Variants in THADA observed in about 807,000 individuals in gnomAD.
THADA encodes tRNA (32-2'-O)-methyltransferase regulator THADA.
Under a neutral mutation model 219.8 loss-of-function variants are expected in THADA, and 213 were observed. The observed-to-expected ratio is 0.97, with a 90% confidence interval of 0.87 to 1.09. THADA has a LOEUF of 1.09. THADA is among the 50% of genes least tolerant of loss of function. The pLI, the probability that THADA is intolerant of heterozygous loss-of-function variation, is 0.00. For missense variants in THADA, 2,956 were observed against 2,311.3 expected, an observed-to-expected ratio of 1.28 and a Z score of -5.72; for synonymous variants, 1,018 against 828.9, an observed-to-expected ratio of 1.23 and a Z score of -3.92.
At chr2:43,386,952 G>A (rs986931863) in intron 29 of THADA, among the ~76,000 whole-genome samples, 3 of 150,856 alleles carry the variant, frequency 2.0e-5, no homozygotes, top group African/African-American at 7.3e-5. Context: ...TTCAGTACCC[G>A]TTAGATTTAT....
At chr2:43,364,115 C>T (rs1235097415) in intron 29 of THADA, among the ~76,000 whole-genome samples, 1 of 151,552 alleles carries the variant, frequency 6.6e-6, no homozygotes, top group Non-Finnish European at 1.5e-5. Context: ...TTCCAGCTAC[C>T]AGGGAGGCTG....
At chr2:43,474,763 A>G (rs1471224426) in intron 26 of THADA, among the ~76,000 whole-genome samples, 1 of 152,226 alleles carries the variant, frequency 6.6e-6, no homozygotes, top group Non-Finnish European at 1.5e-5. Flanking sequence ...AGAGATAAAT[A>G]AAAGAAAGAT....
intron 29 of THADA, among the ~76,000 whole-genome samples, chr2:43,385,480 G>A (rs1350522494): frequency 6.6e-6 from 1 of 152,046 alleles, no homozygotes; most frequent in African/African-American, 2.4e-5. Context: ...GGTGGCGGAT[G>A]CCTGCAGTCC....
At chr2:43,281,440 CTT>C (rs35111198) in intron 35 of THADA, among the ~76,000 whole-genome samples, 94 of 106,788 alleles carry the variant, frequency 8.8e-4, no homozygotes, top group African/African-American at 1.2e-3. Flanking sequence ...TCATGTACTT[CTT>C]TTTTTTTTTT....
At chr2:43,553,909 T>C (rs1160203083) in intron 17 of THADA, among the ~76,000 whole-genome samples, 1 of 152,224 alleles carries the variant, frequency 6.6e-6, no homozygotes, top group East Asian at 1.9e-4. Context: ...TGTTCATGTG[T>C]ATATCTTCTT....
intron 28 of THADA, among the ~76,000 whole-genome samples, chr2:43,410,568 A>G (rs1285926094): frequency 6.6e-6 from 1 of 152,256 alleles, no homozygotes; most frequent in African/African-American, 2.4e-5. Flanking sequence ...GAAACAAGCT[A>G]CGGATATACC....
intron 31 of THADA, among the ~76,000 whole-genome samples, chr2:43,315,572 C>T (rs1270965092): frequency 1.3e-5 from 2 of 152,068 alleles, no homozygotes; most frequent in Non-Finnish European, 2.9e-5. Context: ...AAGGGATCCT[C>T]CTGCCTCAGC....
At chr2:43,508,457 T>G (rs1162648360) in intron 23 of THADA, among the ~76,000 whole-genome samples, 191 bp downstream of exon 23, 2 of 152,174 alleles carry the variant, frequency 1.3e-5, no homozygotes, top group Non-Finnish European at 2.9e-5. Context: ...TTAGAGGGTT[T>G]GTTCCAAGAA....
intron 26 of THADA, among the ~76,000 whole-genome samples, chr2:43,439,029 C>G (rs974667816): frequency 6.6e-6 from 1 of 152,092 alleles, no homozygotes; most frequent in Non-Finnish European, 1.5e-5. Context: ...AAGTGAATGA[C>G]GTAGCATTTA....
intron 13 of THADA, among the ~76,000 whole-genome samples, chr2:43,570,887 T>C (rs148444113): frequency 1.4e-4 from 22 of 152,342 alleles, no homozygotes; most frequent in Non-Finnish European, 2.4e-4. Context: ...CAAGTTTTCT[T>C]AAAACTACCT....
intron 36 of THADA, among the ~76,000 whole-genome samples, chr2:43,265,930 AACACACACACACACACACACACACAC>A (rs56173099): frequency 0.024 from 2,976 of 124,802 alleles, 90 homozygotes; most frequent in African/African-American, 0.067. Flanking sequence ...TTACTTTTGA[AACACACACACACACACACACACACAC>A]ACACACACAC....
chr2:43,290,878 G>A (rs533342547), intron 34 of THADA, among the ~76,000 whole-genome samples: 2 of 151,972 alleles, frequency 1.3e-5, no homozygotes, highest in African/African-American at 4.8e-5. Flanking sequence ...TCTTACTTCG[G>A]TTCTATTTCA....
At chr2:43,303,605 T>C (rs928621899) in intron 31 of THADA, among the ~76,000 whole-genome samples, 3 of 152,098 alleles carry the variant, frequency 2.0e-5, no homozygotes, top group Admixed American at 6.6e-5. Context: ...AAGATGCATG[T>C]TAATCTAAAT....
chr2:43,588,233 T>C (rs776672658), intron 4 of THADA, among the ~76,000 whole-genome samples: 1 of 151,746 alleles, frequency 6.6e-6, no homozygotes, highest in Non-Finnish European at 1.5e-5. Context: ...GAAAACTAAA[T>C]TGAATCCCTA....
At chr2:43,430,170 C>T in intron 27 of THADA, 43 bp downstream of exon 27, 1 of 984,650 alleles carries the variant, frequency 1.0e-6, no homozygotes, top group Non-Finnish European at 1.5e-6. Context: ...TAAGGTAATT[C>T]ACATCCTTGA....
Position 43,292,910 on chromosome 2 carries a change from G to A in THADA, c.4742C>T (p.Pro1581Leu). The change falls in exon 32 of 38, where the codon CCA (proline) becomes CTA (leucine). Residue 1581 changes from proline to leucine, a missense_variant. Physicochemically the swap from Pro to Leu is moderately conservative, Grantham distance 98. Coordinates refer to ENST00000405975, the MANE Select transcript of THADA (RefSeq NM_022065.5). ...AASGLGEKGV[P>L]PLLCNMGEKF... Reference sequence around the variant, plus strand: ...CTCTCCCATGTTGCACAGCAAGGGTGGCACGCCCTTCTCTCCAAGTCCAGA... The same window carrying A: ...CTCTCCCATGTTGCACAGCAAGGGTAGCACGCCCTTCTCTCCAAGTCCAGA... 1 of 1,614,022 alleles carries A rather than the reference G, an allele frequency of 6.2e-7. No individual in the cohort carries two copies. Among genetic ancestry groups the A allele is most frequent in the Non-Finnish European group, 8.5e-7 (1 of 1,179,908 alleles).
chr2:43,446,213 T>C (rs1232523818), intron 26 of THADA, among the ~76,000 whole-genome samples: 1 of 152,240 alleles, frequency 6.6e-6, no homozygotes, highest in African/African-American at 2.4e-5. Flanking sequence ...TCAATAATCA[T>C]TTACTAAACA....
intron 36 of THADA, among the ~76,000 whole-genome samples, chr2:43,252,642 T>G (rs1003876440): frequency 2.0e-5 from 3 of 152,192 alleles, no homozygotes; most frequent in African/African-American, 7.2e-5. Flanking sequence ...ATCCTTGACC[T>G]TGCCCTCTCT....
At chr2:43,417,050 T>C (rs1417573200) in intron 28 of THADA, among the ~76,000 whole-genome samples, 5 of 149,932 alleles carry the variant, frequency 3.3e-5, no homozygotes, top group Non-Finnish European at 7.4e-5. Flanking sequence ...TTTTTTTTTT[T>C]TTTTTTTTTG....
Sources: gnomAD v4.1 joint callset for allele counts (sites outside exome capture counted in the v4.1 genomes callset) on GRCh38, gnomAD v4.1.1 for gene constraint, MANE v1.5 for transcripts, NCBI Gene and HGNC (gene_info 2026-07-23, HGNC 2026-07-21) for gene names.